CDCA5: variants seen among roughly 807,000 people sequenced by gnomAD.
CDCA5 encodes the protein cell division cycle associated 5.
Under a neutral mutation model 25.7 loss-of-function variants are expected in CDCA5, and 14 were observed. The ratio of observed to expected loss-of-function variants is 0.54; its 90% confidence interval spans 0.36 to 0.85. CDCA5 has a LOEUF of 0.85. CDCA5 is among the 40% of genes least tolerant of loss of function. The pLI is 0.01. For synonymous variants in CDCA5, 127 were observed against 128.7 expected (o/e 0.99, Z 0.09); for missense variants, 307 against 324.5 (o/e 0.95, Z 0.41).
downstream of CDCA5, chr11:65,066,294 T>C (rs894454906): frequency 8.7e-7 from 1 of 1,150,580 alleles, no homozygotes; most frequent in Non-Finnish European, 1.1e-6. Context: ...TTGGTGAAGC[T>C]GAAGCTTAGC....
downstream of CDCA5, among the ~76,000 whole-genome samples, chr11:65,062,093 T>C (rs1947191899): frequency 6.6e-6 from 1 of 151,906 alleles, no homozygotes; most frequent in South Asian, 2.1e-4. Flanking sequence ...GCTAATTTTG[T>C]GTTTTTAGTA....
chr11:65,073,233 C>T (rs1947375249), downstream of CDCA5, among the ~76,000 whole-genome samples: 2 of 152,124 alleles, frequency 1.3e-5, no homozygotes, highest in South Asian at 4.1e-4. Context: ...GTGTGAGCCA[C>T]CGCGCCCGGC....
intron 4 of CDCA5, chr11:65,066,992 C>G (rs2137060157): frequency 1.5e-6 from 1 of 649,080 alleles, no homozygotes; most frequent in South Asian, 1.5e-5. Context: ...CACCTGGGAC[C>G]AGTGTTTCAG....
downstream of CDCA5, among the ~76,000 whole-genome samples, chr11:65,066,025 A>T (rs1352736448): frequency 6.6e-6 from 1 of 151,876 alleles, no homozygotes; most frequent in African/African-American, 2.4e-5. Flanking sequence ...CCGGGGAGGG[A>T]CTGCGGCCCC....
At chr11:65,074,744 A>G (rs1947407454), downstream of CDCA5, among the ~76,000 whole-genome samples, 2 of 146,370 alleles carry the variant, frequency 1.4e-5, no homozygotes, top group South Asian at 4.2e-4. Flanking sequence ...GTCTCAAAAA[A>G]AAAAAAAAAA....
At chr11:65,080,916 T>C (rs971549546) in intron 4 of CDCA5, among the ~76,000 whole-genome samples, 1 of 152,064 alleles carries the variant, frequency 6.6e-6, no homozygotes, top group South Asian at 2.1e-4. Flanking sequence ...CAGGTTAGAA[T>C]TGCAAAAAGA....
exon 5 of CDCA5, chr11:65,066,824 G>T: frequency 7.8e-7 from 1 of 1,289,406 alleles, no homozygotes; most frequent in Non-Finnish European, 1.0e-6. Flanking sequence ...AGGTTCTGCA[G>T]CTTCTCCCCC....
At chr11:65,067,555 C>T (rs149037271) in intron 4 of CDCA5, 5 of 582,190 alleles carry the variant, frequency 8.6e-6, no homozygotes, top group Admixed American at 2.8e-5. Context: ...CCTGAATGCC[C>T]GTTCACCAGC....
rs755628378 is a variant in CDCA5 at position 65,079,475 on chromosome 11, A to C, written c.556T>G (p.Ser186Ala). The C allele has an allele frequency of 2.4e-5, 38 of 1,613,780 alleles. No homozygotes were observed. The highest frequency in any genetic ancestry group is 1.6e-4 in the Middle Eastern group (1 of 6,084). The change falls in exon 5 of 6, where the codon TCC (serine) becomes GCC (alanine). Residue 186 changes from serine to alanine, a missense_variant. Physicochemically the swap from Ser to Ala is moderately conservative, Grantham distance 99. Coordinates refer to ENST00000275517, the MANE Select transcript of CDCA5 (RefSeq NM_080668.4). Reference protein sequence around the residue: ...DLSGVSPVVCSKLTEVPRVCA... With the variant: ...DLSGVSPVVCAKLTEVPRVCA... Reference sequence around the variant, plus strand: ...ACCCTGGGGACCTCGGTGAGTTTGGAGCACACCACTGGCGAGACTCCGGAC... The same window carrying C: ...ACCCTGGGGACCTCGGTGAGTTTGGCGCACACCACTGGCGAGACTCCGGAC...
chr11:65,083,929 T>TCACCGGAGCGCTGAGCGGCTC lies in CDCA5; in HGVS notation c.29_46+3dup. 6.2e-7 allele frequency: 1 copy of TCACCGGAGCGCTGAGCGGCTC among 1,609,978 alleles called. No individual in the cohort carries two copies. Among genetic ancestry groups the TCACCGGAGCGCTGAGCGGCTC allele is most frequent in the Non-Finnish European group, 8.5e-7 (1 of 1,179,842 alleles). Reference sequence around the variant, plus strand: ...CTCACGTCTCCCGCGCGCCCTCCGCTCACCGGAGCGCTGAGCGGCTCCTCC... The same window carrying TCACCGGAGCGCTGAGCGGCTC: ...CTCACGTCTCCCGCGCGCCCTCCGCTCACCGGAGCGCTGAGCGGCTCCACCGGAGCGCTGAGCGGCTCCTCC... On this transcript the variant is annotated splice_donor_region_variant and intron_variant, in intron 1 of 5. Coordinates refer to ENST00000275517, the MANE Select transcript of CDCA5 (RefSeq NM_080668.4).
At chr11:65,072,235 G>A (rs753696502) in intron 1 of CDCA5, among the ~76,000 whole-genome samples, 13 of 152,194 alleles carry the variant, frequency 8.5e-5, no homozygotes, top group Non-Finnish European at 1.8e-4. Flanking sequence ...ACCCAAGCAG[G>A]TGGCTGTCAG....
At chr11:65,065,382 G>A (rs1947223436), downstream of CDCA5, among the ~76,000 whole-genome samples, 1 of 152,164 alleles carries the variant, frequency 6.6e-6, no homozygotes. Flanking sequence ...CAGCCTCCCA[G>A]ATTCAAGTGA....
chr11:65,067,083 C>CGA (rs919676458), intron 4 of CDCA5, among the ~76,000 whole-genome samples: 1 of 152,198 alleles, frequency 6.6e-6, no homozygotes, highest in African/African-American at 2.4e-5. Flanking sequence ...AGCAGGGGAC[C>CGA]GAGAGAGAGA....
rs1286217766 is a variant in CDCA5, at chr11:65,077,660, C to T, written c.*1447G>A. On this transcript the variant is annotated 3_prime_UTR_variant, in exon 6 of 6. Coordinates refer to ENST00000275517, the MANE Select transcript of CDCA5 (RefSeq NM_080668.4). Reference sequence around the variant, plus strand: ...CAGTGAGGACAAGAGTTCTTCAGTGCGGTTCAGCTCAAGGACACCTAGGCT... The same window carrying T: ...CAGTGAGGACAAGAGTTCTTCAGTGTGGTTCAGCTCAAGGACACCTAGGCT... The T allele has an allele frequency of 8.1e-6, 8 of 985,330 alleles. No homozygotes were observed. In the African/African-American group the frequency reaches 1.0e-4, roughly 13 times the overall value. The allele number at this position is 985,330 out of a possible 1,614,324, so 61.0% of individuals were successfully genotyped here.
At chr11:65,080,822 A>G (rs1326506495) in intron 4 of CDCA5, among the ~76,000 whole-genome samples, 1 of 152,260 alleles carries the variant, frequency 6.6e-6, no homozygotes, top group African/African-American at 2.4e-5. Flanking sequence ...CCCCATTCTA[A>G]GAGAAAAACA....
At position 65,083,537 on chromosome 11, in the gene CDCA5, G is replaced by A; in HGVS notation, c.155C>T (p.Ala52Val). The change falls in exon 3 of 6, where the codon GCT becomes GTT. Residue 52 changes from alanine (A) to valine (V), a missense_variant. Transcript: ENST00000275517. ...TAAGACGATGGGCTTTCTGACTGCA[G>A]CCGCACTGGGTGTCTGGAGAAGAGG... ...PEIWPKTPSAAAVRKPIVLKR... is the reference protein window; with the variant it reads ...PEIWPKTPSAVAVRKPIVLKR... 6.2e-7 allele frequency: 1 copy of A among 1,614,206 alleles called. No homozygotes were observed. The highest frequency in any genetic ancestry group is 8.5e-7 in the Non-Finnish European group (1 of 1,180,028).
chr11:65,075,252 C>T (rs1175009155), downstream of CDCA5, among the ~76,000 whole-genome samples: 8 of 151,728 alleles, frequency 5.3e-5, no homozygotes, highest in Non-Finnish European at 1.0e-4. Context: ...GAAAAATTAG[C>T]CGGGTGTGGC....
chr11:65,076,963 G>A (rs1248853921), downstream of CDCA5, among the ~76,000 whole-genome samples: 2 of 152,174 alleles, frequency 1.3e-5, no homozygotes, highest in African/African-American at 4.8e-5. Context: ...AAGAGGAGCA[G>A]ACTGGGGACT....
intron 1 of CDCA5, among the ~76,000 whole-genome samples, chr11:65,068,947 A>C (rs1947292316): frequency 6.6e-6 from 1 of 152,196 alleles, no homozygotes; most frequent in African/African-American, 2.4e-5. Context: ...TACATGCTAA[A>C]AATATTTTGA....
Sources: allele counts gnomAD v4.1 joint callset (sites outside exome capture counted in the v4.1 genomes callset), GRCh38; gene constraint gnomAD v4.1.1; transcripts MANE v1.5; gene names NCBI Gene and HGNC (gene_info 2026-07-23, HGNC 2026-07-21).